FAM135B: variants seen among roughly 807,000 people sequenced by gnomAD.
The protein encoded by FAM135B is protein FAM135B.
A neutral mutation model predicts 127.7 loss-of-function variants in FAM135B; 43 were observed. The observed-to-expected ratio is 0.34, with a 90% CI of 0.26 to 0.43. FAM135B has a LOEUF of 0.43. Ranked by LOEUF, FAM135B falls within the 20% of genes least tolerant of loss-of-function variation. FAM135B has a pLI of 1.00. For missense variants in FAM135B, 1,558 were observed against 1,725.6 expected (o/e 0.90, Z 1.72); for synonymous variants, 670 against 665.1 (o/e 1.01, Z -0.11).
At chr8:138,212,152 C>T (rs1168539434) in intron 7 of FAM135B, among the ~76,000 whole-genome samples, 1 of 152,096 alleles carries the variant, frequency 6.6e-6, no homozygotes, top group East Asian at 1.9e-4. Context: ...GATAATGTAA[C>T]CATGGTGCTT....
At chr8:138,258,820 CACACACACACACA>C (rs1490809647) in intron 4 of FAM135B, among the ~76,000 whole-genome samples, 2 of 150,666 alleles carry the variant, frequency 1.3e-5, no homozygotes, top group Non-Finnish European at 3.0e-5. Flanking sequence ...CACACACACA[CACACACACACACA>C]CACCATACAC....
At chr8:138,437,836 G>A (rs751384980) in intron 1 of FAM135B, 1 of 152,130 alleles carries the variant, frequency 6.6e-6, no homozygotes, top group Non-Finnish European at 1.5e-5. Flanking sequence ...ATGGCTTACT[G>A]CAGCCATTCA....
intron 1 of FAM135B, among the ~76,000 whole-genome samples, chr8:138,434,677 T>C (rs1445366971): frequency 6.6e-6 from 1 of 152,218 alleles, no homozygotes; most frequent in African/African-American, 2.4e-5. Context: ...GACGGCCTTG[T>C]CATTTGTTGT....
chr8:138,240,451 G>T (rs1215879646), intron 7 of FAM135B, among the ~76,000 whole-genome samples: 1 of 152,228 alleles, frequency 6.6e-6, no homozygotes, highest in Non-Finnish European at 1.5e-5. Flanking sequence ...TTTGGTTACT[G>T]GCTCCTGCCG....
intron 9 of FAM135B, among the ~76,000 whole-genome samples, chr8:138,180,183 G>C (rs1814874330): frequency 6.6e-6 from 1 of 152,154 alleles, no homozygotes; most frequent in Admixed American, 6.5e-5. Flanking sequence ...AGGATGGCAG[G>C]AAGCCAGTTG....
chr8:138,257,989 G>A lies in FAM135B; in HGVS notation c.298-1230C>T, dbSNP rs150161975. On this transcript the variant is annotated intron_variant, in intron 4 of 19. Transcript: ENST00000395297. Reference sequence around the variant, plus strand: ...TGGAAACTGTTCAGATCAGGTAATTGCTGTCCCGTCTACCACCATTCACAG... The same window carrying A: ...TGGAAACTGTTCAGATCAGGTAATTACTGTCCCGTCTACCACCATTCACAG... Among the ~76,000 whole-genome samples the A allele has an allele frequency of 2.9e-3, 448 of 152,240 alleles. 2 individuals are homozygous for A. Among genetic ancestry groups the A allele is most frequent in the African/African-American group, 0.01 (425 of 41,528 alleles).
chr8:138,153,297 TAAAG>T, intron 12 of FAM135B, 81 bp from the exon 13 acceptor site: 1 of 1,206,722 alleles, frequency 8.3e-7, no homozygotes, highest in Non-Finnish European at 1.1e-6. Context: ...AACTGTATAA[TAAAG>T]AATTTAGCTA....
chr8:138,448,782 AAC>A (rs1458364885), intron 1 of FAM135B, among the ~76,000 whole-genome samples: 2 of 151,326 alleles, frequency 1.3e-5, no homozygotes, highest in African/African-American at 2.4e-5. Flanking sequence ...TGGAAAACCT[AAC>A]ACAGGGGGAA....
chr8:138,297,636 A>T (rs1208476391), intron 3 of FAM135B, among the ~76,000 whole-genome samples: 1 of 152,236 alleles, frequency 6.6e-6, no homozygotes, highest in African/African-American at 2.4e-5. Context: ...TCACTGCTGC[A>T]TCAGTGTGAA....
At chr8:138,375,939 C>T (rs1387985041) in intron 1 of FAM135B, among the ~76,000 whole-genome samples, 1 of 152,134 alleles carries the variant, frequency 6.6e-6, no homozygotes, top group Non-Finnish European at 1.5e-5. Context: ...CGTCACTTAC[C>T]CGGTTGTCTG....
At chr8:138,165,340 G>A (rs1043152356) in intron 12 of FAM135B, among the ~76,000 whole-genome samples, 2 of 151,908 alleles carry the variant, frequency 1.3e-5, no homozygotes, top group African/African-American at 4.8e-5. Context: ...GGCTGGTCTC[G>A]AACTCCCGAC....
intron 3 of FAM135B, among the ~76,000 whole-genome samples, chr8:138,292,832 G>A (rs1825213222): frequency 1.3e-5 from 2 of 151,768 alleles, no homozygotes; most frequent in African/African-American, 2.4e-5. Flanking sequence ...AAACTGCCCA[G>A]AGCAATCTAC....
chr8:138,400,836 G>C (rs1833119162), intron 1 of FAM135B, among the ~76,000 whole-genome samples: 1 of 152,166 alleles, frequency 6.6e-6, no homozygotes, highest in Non-Finnish European at 1.5e-5. Flanking sequence ...ACACCAAAAT[G>C]TATGAGAAAT....
intron 1 of FAM135B, among the ~76,000 whole-genome samples, chr8:138,462,681 A>G (rs1163482387): frequency 6.6e-6 from 1 of 152,190 alleles, no homozygotes; most frequent in Admixed American, 6.5e-5. Context: ...GTTCAACATC[A>G]TTTGAAAAAA....
At chr8:138,449,738 A>C (rs2131583168) in intron 1 of FAM135B, among the ~76,000 whole-genome samples, 1 of 152,298 alleles carries the variant, frequency 6.6e-6, no homozygotes, top group East Asian at 1.9e-4. Flanking sequence ...CTGTCCCCAC[A>C]CATTAGAACA....
chr8:138,409,898 A>T (rs1033298728), intron 1 of FAM135B, among the ~76,000 whole-genome samples: 65 of 151,518 alleles, frequency 4.3e-4, no homozygotes, highest in Non-Finnish European at 8.4e-4. Context: ...AAAAAAAAAA[A>T]AAAAGTGATG....
rs1044374737 is a variant in FAM135B at position 138,242,541 on chromosome 8, C to G, written c.669+401G>C. Among the ~76,000 whole-genome samples, 9 of 152,094 alleles carry G rather than the reference C, an allele frequency of 5.9e-5. No individual in the cohort carries two copies. The highest frequency in any genetic ancestry group is 1.0e-4 in the Non-Finnish European group (7 of 68,022). ...AGATTATTAGCTATTGGGGAGCCCA[C>G]TCTACAGGTGGGAAAACTGATGTTC... On this transcript the variant is annotated intron_variant, in intron 7 of 19. Transcript: ENST00000395297. The surrounding 1 kb of genome is among the most constrained non-coding windows in gnomAD (Gnocchi z 9.6).
chr8:138,269,652 T>C (rs1270850076), intron 3 of FAM135B, among the ~76,000 whole-genome samples: 1 of 152,204 alleles, frequency 6.6e-6, no homozygotes, highest in Non-Finnish European at 1.5e-5. Flanking sequence ...AAAATGCTCC[T>C]GTAGTAAGGG....
chr8:138,425,620 G>A (rs1834795956), intron 1 of FAM135B: 1 of 152,050 alleles, frequency 6.6e-6, no homozygotes, highest in Non-Finnish European at 1.5e-5. Flanking sequence ...TGATTCTAGT[G>A]TAATGGAGAA....
Sources: gnomAD v4.1 joint callset for allele counts (sites outside exome capture counted in the v4.1 genomes callset) on GRCh38, gnomAD v4.1.1 for gene constraint, Gnocchi (gnomAD v3.1) non-coding constraint, MANE v1.5 for transcripts, NCBI Gene and HGNC (gene_info 2026-07-23, HGNC 2026-07-21) for gene names.